The following AFF1 variants were observed in gnomAD, a reference collection of about 807,000 sequenced individuals.
AFF1 encodes the protein ALF transcription elongation factor 1.
A neutral mutation model predicts 121.7 loss-of-function variants in AFF1; 48 were observed. That is an observed-to-expected ratio of 0.39 (90% CI 0.31 to 0.50). The LOEUF is 0.50. AFF1 is among the 20% of genes least tolerant of loss of function. The pLI, the probability that AFF1 is intolerant of heterozygous loss-of-function variation, is 0.76. For missense variants in AFF1, 1,523 were observed against 1,511.7 expected, an observed-to-expected ratio of 1.01 and a Z score of -0.12; for synonymous variants, 613 against 563.0, an observed-to-expected ratio of 1.09 and a Z score of -1.26.
intron 2 of AFF1, among the ~76,000 whole-genome samples, chr4:86,979,504 G>C (rs1053489510): frequency 2.0e-5 from 3 of 152,182 alleles, no homozygotes; most frequent in Admixed American, 6.5e-5. Flanking sequence ...GTGGGGGTGG[G>C]AGAGTTTTTA....
In AFF1 at chr4:87,060,835, C is replaced by CAAAAAAAA. The variant is rs749186199; in HGVS notation, c.1059+13266_1059+13273dup. Among the ~76,000 whole-genome samples the CAAAAAAAA allele has an allele frequency of 5.0e-3, 309 of 61,836 alleles. 4 individuals carry two copies. The highest frequency in any genetic ancestry group is 7.8e-3 in the Non-Finnish European group (243 of 31,014). 40.6% of individuals were successfully genotyped at this position (61,836 alleles called of 152,430 possible). On this transcript the variant is annotated intron_variant, in intron 4 of 20. Transcript: ENST00000395146. Reference sequence around the variant, plus strand: ...GCCTGGCGAGAGTGAGACTCTGTCTCAAAAAAAAAAAAAAAAAAAAAAAAA... The same window carrying CAAAAAAAA: ...GCCTGGCGAGAGTGAGACTCTGTCTCAAAAAAAAAAAAAAAAAAAAAAAAAAAAAAAAA...
intron 2 of AFF1, chr4:86,949,541 T>TTTTA (rs1721134029): frequency 1.5e-5 from 3 of 197,544 alleles, no homozygotes; most frequent in Non-Finnish European, 2.7e-5. Flanking sequence ...ATTATTATTT[T>TTTTA]TTTTTTTTTT....
intron 2 of AFF1, among the ~76,000 whole-genome samples, chr4:86,967,041 T>C (rs1722585564): frequency 6.6e-6 from 1 of 152,260 alleles, no homozygotes; most frequent in Non-Finnish European, 1.5e-5. Flanking sequence ...ATTCAAGTAC[T>C]GTGCCTTGGC....
At chr4:86,969,879 C>CAAATAAAAAAAAAAAAAAA (rs1722814359) in intron 2 of AFF1, among the ~76,000 whole-genome samples, 1 of 63,610 alleles carries the variant, frequency 1.6e-5, no homozygotes, top group Non-Finnish European at 3.1e-5. Context: ...GACTCCGTCT[C>CAAATAAAAAAAAAAAAAAA]AAAAAAAAAA....
chr4:86,989,262 G>A lies in AFF1; in HGVS notation c.38+40691G>A, dbSNP rs28865380. Among the ~76,000 whole-genome samples, 1,483 of 152,320 alleles carry A rather than the reference G, an allele frequency of 9.7e-3. 15 individuals carry two copies. Among genetic ancestry groups the A allele is most frequent in the Non-Finnish European group, 0.017 (1,137 of 68,026 alleles). On this transcript the variant is annotated intron_variant, in intron 2 of 20. Coordinates refer to ENST00000395146, the MANE Select transcript of AFF1 (RefSeq NM_001166693.3). ...AGAGTGAACAGGCAGTCTGCAGAAT[G>A]GGAGAAAATTTTTGCAATCTATCCA... is the stretch of plus-strand genomic sequence containing the variant.
At chr4:86,985,645 C>T (rs1037961983) in intron 2 of AFF1, among the ~76,000 whole-genome samples, 1 of 151,934 alleles carries the variant, frequency 6.6e-6, no homozygotes, top group African/African-American at 2.4e-5. Flanking sequence ...CATTGCACTC[C>T]AGCCTGTGCG....
At chr4:86,998,285 A>T (rs1725401149) in intron 2 of AFF1, among the ~76,000 whole-genome samples, 2 of 152,128 alleles carry the variant, frequency 1.3e-5, no homozygotes, top group Non-Finnish European at 2.9e-5. Flanking sequence ...ATGTCCCTGG[A>T]GACATGCAAA....
rs1464995516 is a variant in AFF1 at position 87,138,726 on chromosome 4, T to A, written c.*3025T>A. Reference sequence around the variant, plus strand: ...AGGAGTGGGAGGGCCCAGCAAGCATTTATCAGAAATAGAATCACAATAGGA... The same window carrying A: ...AGGAGTGGGAGGGCCCAGCAAGCATATATCAGAAATAGAATCACAATAGGA... On this transcript the variant is annotated 3_prime_UTR_variant, in exon 21 of 21. Transcript: ENST00000395146. 4.3e-6 allele frequency: 1 copy of A among 231,090 alleles called. No individual in the cohort carries two copies. Among genetic ancestry groups the A allele is most frequent in the African/African-American group, 2.2e-5 (1 of 45,234 alleles). The allele number at this position is 231,090 out of a possible 1,614,324, so 14.3% of individuals were successfully genotyped here.
At chr4:87,075,858 ACT>A (rs1405938494) in intron 4 of AFF1, among the ~76,000 whole-genome samples, 2 of 151,874 alleles carry the variant, frequency 1.3e-5, no homozygotes, top group Admixed American at 1.3e-4. Context: ...TCACCATAAA[ACT>A]CTAATTACTT....
intron 2 of AFF1, among the ~76,000 whole-genome samples, chr4:87,022,746 GTA>G (rs767092160): frequency 1.4e-3 from 207 of 147,980 alleles, no homozygotes; most frequent in African/African-American, 3.6e-3. Context: ...CTGTGTGTGT[GTA>G]TATATATATA....
At chr4:87,104,060 C>T (rs10516789) in intron 8 of AFF1, among the ~76,000 whole-genome samples, 27,659 of 152,154 alleles carry the variant, frequency 0.18, 2,730 homozygotes, top group Middle Eastern at 0.3. Flanking sequence ...TATACCATTA[C>T]GTTGCTAACT....
rs574782629 is a variant in AFF1 at position 87,125,541 on chromosome 4, TG to T, written c.2573+399del. Reference sequence around the variant, plus strand: ...CCAGCATTTGGACTCCGGGAGCCTGTGTTCAGTGCTCCTTCTTTTAGAGATG... The same window carrying T: ...CCAGCATTTGGACTCCGGGAGCCTGTTTCAGTGCTCCTTCTTTTAGAGATG... On this transcript the variant is annotated intron_variant, in intron 13 of 20. Coordinates refer to ENST00000395146, the MANE Select transcript of AFF1 (RefSeq NM_001166693.3). 2.6e-5 allele frequency among the ~76,000 whole-genome samples: 4 copies of T among 152,326 alleles called. No individual in the cohort carries two copies. The South Asian group carries it at 8.3e-4, about 32-fold the overall frequency.
chr4:87,022,549 T>C (rs899267503), intron 2 of AFF1, among the ~76,000 whole-genome samples: 2 of 37,582 alleles, frequency 5.3e-5, no homozygotes, highest in Non-Finnish European at 8.7e-5. Flanking sequence ...TACAGATATA[T>C]ATATATATAT....
At chr4:87,045,982 C>A (rs544433363) in intron 2 of AFF1, among the ~76,000 whole-genome samples, 184 bp from the exon 3 acceptor site, 2 of 152,122 alleles carry the variant, frequency 1.3e-5, no homozygotes, top group Non-Finnish European at 2.9e-5. Context: ...AGGGTCACAG[C>A]CAAGTGACTG....
intron 4 of AFF1, among the ~76,000 whole-genome samples, chr4:87,067,452 C>T (rs1474886297): frequency 6.6e-6 from 1 of 152,182 alleles, no homozygotes; most frequent in African/African-American, 2.4e-5. Context: ...ACGAGAATTA[C>T]TGTATGTATC....
rs116180392 is a variant in AFF1, at chr4:87,102,010, A to C, written c.1284-3618A>C. On this transcript the variant is annotated intron_variant, in intron 8 of 20. Coordinates refer to ENST00000395146, the MANE Select transcript of AFF1 (RefSeq NM_001166693.3). Reference sequence around the variant, plus strand: ...CACACAGTAGCAATCGGGTTGACTCACTGCAGCGTGTCTGCCAGAACCTGT... The same window carrying C: ...CACACAGTAGCAATCGGGTTGACTCCCTGCAGCGTGTCTGCCAGAACCTGT... Among the ~76,000 whole-genome samples, 1,009 of 152,358 alleles carry C rather than the reference A, an allele frequency of 6.6e-3. 11 individuals are homozygous for C. Among genetic ancestry groups the C allele is most frequent in the African/African-American group, 0.023 (969 of 41,574 alleles).
chr4:86,935,971 T>A (rs753860433), intron 1 of AFF1: 7 of 151,360 alleles, frequency 4.6e-5, no homozygotes, highest in Middle Eastern at 3.4e-3. Flanking sequence ...AGGTGGAGAG[T>A]GTGAATCACA....
intron 2 of AFF1, among the ~76,000 whole-genome samples, chr4:86,995,809 C>T (rs1046413226): frequency 6.6e-6 from 1 of 150,742 alleles, no homozygotes; most frequent in African/African-American, 2.4e-5. Context: ...TGCCTGGCTG[C>T]CCAGTCTGGA....
At chr4:86,950,297 G>A (rs1560496298) in intron 2 of AFF1, among the ~76,000 whole-genome samples, 2 of 152,158 alleles carry the variant, frequency 1.3e-5, no homozygotes, top group Non-Finnish European at 2.9e-5. Context: ...CCCTGCCTCA[G>A]CCTCCCAATT....
Sources: allele counts gnomAD v4.1 joint callset (sites outside exome capture counted in the v4.1 genomes callset), GRCh38; gene constraint gnomAD v4.1.1; transcripts MANE v1.5; gene names NCBI Gene and HGNC (gene_info 2026-07-23, HGNC 2026-07-21).